SGCZ: variants seen among roughly 807,000 people sequenced by gnomAD.
SGCZ encodes the protein sarcoglycan zeta, also known as zeta-sarcoglycan.
In SGCZ, 40 loss-of-function variants were observed where a neutral mutation model predicts 41.3. The observed-to-expected ratio is 0.97, with a 90% CI of 0.75 to 1.26. The LOEUF is 1.26. Ranked by LOEUF, SGCZ falls within the 50% of genes most tolerant of loss-of-function variation. The probability of loss-of-function intolerance (pLI) is 0.00; values close to 1 mark genes in which losing one functional copy is unlikely to be tolerated. For missense variants in SGCZ, 552 were observed against 369.8 expected, an observed-to-expected ratio of 1.49 and a Z score of -4.04; for synonymous variants, 206 against 137.5, an observed-to-expected ratio of 1.50 and a Z score of -3.49.
intron 4 of SGCZ, among the ~76,000 whole-genome samples, chr8:14,213,387 A>C (rs1478360716): frequency 6.6e-6 from 1 of 152,144 alleles, no homozygotes; most frequent in Non-Finnish European, 1.5e-5. Flanking sequence ...ACCAGAAAAA[A>C]ATTGGCCCAT....
chr8:14,994,588 A>G (rs1012704909), intron 1 of SGCZ, among the ~76,000 whole-genome samples: 30 of 143,910 alleles, frequency 2.1e-4, no homozygotes, highest in African/African-American at 8.3e-4. Context: ...GTGCATCCAA[A>G]AAAAAAAAAA....
At chr8:14,470,980 C>T (rs1270709669) in intron 2 of SGCZ, among the ~76,000 whole-genome samples, 2 of 152,084 alleles carry the variant, frequency 1.3e-5, no homozygotes, top group African/African-American at 4.8e-5. Flanking sequence ...CAGTAAGAGG[C>T]GCTACCCTAA....
At chr8:14,199,000 G>T (rs559437693) in intron 4 of SGCZ, among the ~76,000 whole-genome samples, 1 of 152,154 alleles carries the variant, frequency 6.6e-6, no homozygotes. Context: ...TGTTTGTAGA[G>T]CATGTGTGTT....
chr8:15,011,195 T>C (rs1802814595), intron 1 of SGCZ, among the ~76,000 whole-genome samples: 1 of 152,194 alleles, frequency 6.6e-6, no homozygotes, highest in Non-Finnish European at 1.5e-5. Context: ...CCTACATAGT[T>C]AAAGTAGGTG....
At chr8:14,720,313 A>T (rs997603637) in intron 1 of SGCZ, among the ~76,000 whole-genome samples, 1 of 152,128 alleles carries the variant, frequency 6.6e-6, no homozygotes, top group African/African-American at 2.4e-5. Context: ...GATAAAACTT[A>T]TAAGTAAATT....
chr8:14,666,225 G>T (rs1807906004), intron 1 of SGCZ, among the ~76,000 whole-genome samples: 3 of 152,140 alleles, frequency 2.0e-5, no homozygotes, highest in Non-Finnish European at 4.4e-5. Flanking sequence ...TGAAATGTTT[G>T]TAGGGCATAA....
intron 3 of SGCZ, among the ~76,000 whole-genome samples, chr8:14,301,275 C>T (rs1332171651): frequency 1.3e-5 from 2 of 151,878 alleles, no homozygotes; most frequent in Non-Finnish European, 2.9e-5. Context: ...TTTATAGAAT[C>T]TCCTCTTCTT....
intron 4 of SGCZ, among the ~76,000 whole-genome samples, chr8:14,175,659 C>G (rs1476205667): frequency 6.6e-6 from 1 of 151,490 alleles, no homozygotes; most frequent in Non-Finnish European, 1.5e-5. Context: ...ACATGCAATC[C>G]AAAAAATGCT....
intron 1 of SGCZ, among the ~76,000 whole-genome samples, chr8:15,228,114 T>C (rs1343267811): frequency 1.3e-5 from 2 of 152,252 alleles, no homozygotes; most frequent in Non-Finnish European, 2.9e-5. Context: ...TTATTTGTTA[T>C]ACATTAAGAG....
At chr8:14,245,855 A>G (rs1335685645) in intron 3 of SGCZ, among the ~76,000 whole-genome samples, 2 of 152,232 alleles carry the variant, frequency 1.3e-5, no homozygotes, top group Admixed American at 1.3e-4. Flanking sequence ...AATGCTCATC[A>G]TCACTGGCCA....
At chr8:14,790,499 G>A (rs559433218) in intron 1 of SGCZ, among the ~76,000 whole-genome samples, 153 of 152,170 alleles carry the variant, frequency 1.0e-3, no homozygotes, top group Non-Finnish European at 1.3e-3. Context: ...CTATTTTTAG[G>A]TTGGAAAATA....
At chr8:14,784,840 T>G (rs939995569) in intron 1 of SGCZ, among the ~76,000 whole-genome samples, 1 of 141,520 alleles carries the variant, frequency 7.1e-6, no homozygotes, top group Admixed American at 7.4e-5. Flanking sequence ...AGGCAGAGGT[T>G]GTGGTGAGCC....
At chr8:14,528,838 C>CAAAAAAAAAAAAAAAAAAAAAAA (rs199553893) in intron 2 of SGCZ, among the ~76,000 whole-genome samples, 1 of 141,982 alleles carries the variant, frequency 7.0e-6, no homozygotes, top group Non-Finnish European at 1.5e-5. Flanking sequence ...AAAAAAAAAA[C>CAAAAAAAAAAAAAAAAAAAAAAA]AAAACAAAAA....
Position 14,193,181 on chromosome 8 carries a change from C to T in SGCZ, c.425-28479G>A, listed in dbSNP as rs138771681. ...ATGTGAAATTTAAAATCATAAGCTA[C>T]ACTACAGAAACATCCATTTTACTCC... On this transcript the variant is annotated intron_variant, in intron 4 of 7. Transcript: ENST00000382080. Among the ~76,000 whole-genome samples, 202 of 151,918 alleles carry T rather than the reference C, an allele frequency of 1.3e-3. No homozygotes were observed. In the East Asian group the frequency reaches 0.014, roughly 11 times the overall value.
At chr8:14,332,958 G>A (rs1802390339) in intron 2 of SGCZ, among the ~76,000 whole-genome samples, 1 of 150,236 alleles carries the variant, frequency 6.7e-6, no homozygotes, top group Admixed American at 6.6e-5. Context: ...TATATAAAAT[G>A]TTCACATACG....
intron 2 of SGCZ, among the ~76,000 whole-genome samples, chr8:14,378,845 T>C (rs1804246229): frequency 6.6e-6 from 1 of 152,138 alleles, no homozygotes; most frequent in Admixed American, 6.5e-5. Context: ...ACACTGAGTG[T>C]CAGACGTGTG....
At chr8:14,342,130 G>A (rs1487669361) in intron 2 of SGCZ, among the ~76,000 whole-genome samples, 15 of 152,118 alleles carry the variant, frequency 9.9e-5, no homozygotes, top group Admixed American at 9.8e-4. Flanking sequence ...TGCTGATAGG[G>A]ATATGAACAA....
intron 1 of SGCZ, among the ~76,000 whole-genome samples, chr8:14,691,525 A>T (rs1808797199): frequency 6.6e-6 from 1 of 152,118 alleles, no homozygotes; most frequent in Non-Finnish European, 1.5e-5. Context: ...CAGGAATTCC[A>T]AATATTTCAA....
chr8:15,222,199 T>C (rs1315273342), intron 1 of SGCZ, among the ~76,000 whole-genome samples: 1 of 152,158 alleles, frequency 6.6e-6, no homozygotes, highest in Non-Finnish European at 1.5e-5. Context: ...ATAAAAAGTA[T>C]TTGCCTTAAA....
Sources: gnomAD v4.1 joint callset for allele counts (sites outside exome capture counted in the v4.1 genomes callset) on GRCh38, gnomAD v4.1.1 for gene constraint, MANE v1.5 for transcripts, NCBI Gene and HGNC (gene_info 2026-07-23, HGNC 2026-07-21) for gene names.